Variants in ST3GAL1 observed in about 807,000 individuals in gnomAD.
ST3GAL1 encodes ST3 beta-galactoside alpha-2,3-sialyltransferase 1.
Under a neutral mutation model 34.1 loss-of-function variants are expected in ST3GAL1, and 16 were observed. The observed-to-expected ratio is 0.47, with a 90% confidence interval of 0.32 to 0.71. The LOEUF (loss-of-function observed/expected upper bound fraction) is 0.71, where lower values mean the gene tolerates loss of function less well. Ranked by LOEUF, ST3GAL1 falls within the 30% of genes least tolerant of loss-of-function variation. The probability of loss-of-function intolerance (pLI) is 0.04; values close to 1 mark genes in which losing one functional copy is unlikely to be tolerated. For missense variants in ST3GAL1, 353 were observed against 447.4 expected (o/e 0.79, Z 1.90); for synonymous variants, 191 against 184.7 (o/e 1.03, Z -0.28).
intron 1 of ST3GAL1, among the ~76,000 whole-genome samples, chr8:133,553,039 ACAATATCCCTTTGTGCT>A (rs1034642969): frequency 5.9e-5 from 9 of 152,174 alleles, no homozygotes; most frequent in Non-Finnish European, 1.0e-4. Context: ...TGTCTTCAAC[ACAATATCCCTTTGTGCT>A]CAAAGGGATA....
At chr8:133,565,183 G>GTGTGTGTA (rs1364476633) in intron 1 of ST3GAL1, among the ~76,000 whole-genome samples, 1 of 150,596 alleles carries the variant, frequency 6.6e-6, no homozygotes, top group African/African-American at 2.5e-5. Context: ...GTGTGTGTGT[G>GTGTGTGTA]TGTGTGTGTG....
At chr8:133,528,314 A>G (rs1563728229) in intron 2 of ST3GAL1, among the ~76,000 whole-genome samples, 1 of 152,164 alleles carries the variant, frequency 6.6e-6, no homozygotes, top group Non-Finnish European at 1.5e-5. Flanking sequence ...CCTAGCCTAG[A>G]TTGCTAAGCT....
intron 3 of ST3GAL1, among the ~76,000 whole-genome samples, chr8:133,497,968 T>C (rs1412851336): frequency 1.3e-5 from 2 of 152,246 alleles, no homozygotes; most frequent in Non-Finnish European, 2.9e-5. Context: ...TTGCACCTGC[T>C]GTTCCCTCTA....
intron 1 of ST3GAL1, among the ~76,000 whole-genome samples, chr8:133,564,686 A>G (rs79921655): frequency 0.026 from 3,967 of 152,282 alleles, 154 homozygotes; most frequent in African/African-American, 0.087. Context: ...ACTCACACCC[A>G]CACCGCCCTG....
chr8:133,497,057 C>T lies in ST3GAL1; in HGVS notation c.-374+2078G>A, dbSNP rs368917741. ...CTGTGATGAAGGAGGGACCTGAGCCCGCACACAGGGGCCTGAGCCTAATGG... is the reference window on the plus strand; with the variant it reads ...CTGTGATGAAGGAGGGACCTGAGCCTGCACACAGGGGCCTGAGCCTAATGG... On this transcript the variant is annotated intron_variant, in intron 3 of 9. Transcript: ENST00000522652. 3.3e-5 allele frequency among the ~76,000 whole-genome samples: 5 copies of T among 152,296 alleles called. No individual in the cohort carries two copies. In the East Asian group the frequency reaches 7.7e-4, roughly 24 times the overall value.
intron 1 of ST3GAL1, among the ~76,000 whole-genome samples, chr8:133,562,774 AG>A: frequency 6.7e-6 from 1 of 150,158 alleles, no homozygotes; most frequent in South Asian, 2.1e-4. Flanking sequence ...ATCTAAGAAA[AG>A]GGTTTCTTTC....
At chr8:133,564,274 G>T (rs1819327601) in intron 1 of ST3GAL1, among the ~76,000 whole-genome samples, 1 of 152,158 alleles carries the variant, frequency 6.6e-6, no homozygotes, top group South Asian at 2.1e-4. Flanking sequence ...GTAACCGGAT[G>T]TTAACTAATC....
Position 133,466,074 on chromosome 8 carries a change from T to C in ST3GAL1, c.323A>G (p.Lys108Arg). 1 of 1,613,078 alleles carries C rather than the reference T, an allele frequency of 6.2e-7. No individual in the cohort carries two copies. The highest frequency in any genetic ancestry group is 8.5e-7 in the Non-Finnish European group (1 of 1,179,246). Residue 108 changes from lysine to arginine, a missense_variant, in exon 6 of 10, where the codon AAG becomes AGG. Coordinates refer to ENST00000522652, the MANE Select transcript of ST3GAL1 (RefSeq NM_173344.3). This position sits in a 1 kb window ranked among gnomAD's most constrained non-coding sequence, Gnocchi z 4.4. The stretch of plus-strand genomic sequence containing the variant: ...GGTGTCATTCAAGTTATTGGGCTTC[T>C]TCTCCCGCTGGAGCCTCTGTGGGCG... Reference protein sequence around the residue: ...YRWWLRLQREKKPNNLNDTIK... With the variant: ...YRWWLRLQRERKPNNLNDTIK...
At position 133,552,454 on chromosome 8, in the gene ST3GAL1, G is replaced by A. The variant is rs1002605865; in HGVS notation, c.-581-6528C>T. Reference sequence around the variant, plus strand: ...AGAGCCGTTGGCTGGGCTGCATGTCGAGAACCAGGTTTATGGGCAGAAATT... The same window carrying A: ...AGAGCCGTTGGCTGGGCTGCATGTCAAGAACCAGGTTTATGGGCAGAAATT... On this transcript the variant is annotated intron_variant, in intron 1 of 9. Coordinates refer to ENST00000522652, the MANE Select transcript of ST3GAL1 (RefSeq NM_173344.3). Among the ~76,000 whole-genome samples the A allele has an allele frequency of 2.6e-5, 4 of 152,166 alleles. No homozygotes were observed. In the South Asian group the frequency reaches 6.2e-4, roughly 24 times the overall value.
rs546939019 is a variant in ST3GAL1 at position 133,486,831 on chromosome 8, C to T, written c.-373-10231G>A. ...GCGTGACTTGGGCCACTTCAGAAGC[C>T]GAGGCCAGTCAGCTCCTCATCTGTA... On this transcript the variant is annotated intron_variant, in intron 3 of 9. Coordinates refer to ENST00000522652, the MANE Select transcript of ST3GAL1 (RefSeq NM_173344.3). 1.2e-4 allele frequency among the ~76,000 whole-genome samples: 19 copies of T among 152,344 alleles called. No homozygotes were observed. The South Asian group carries it at 3.5e-3, about 28-fold the overall frequency.
At chr8:133,512,668 C>T (rs1431422665) in intron 2 of ST3GAL1, among the ~76,000 whole-genome samples, 1 of 152,106 alleles carries the variant, frequency 6.6e-6, no homozygotes, top group East Asian at 1.9e-4. Context: ...TGGTCCAGGC[C>T]CGAGCCTGTT....
chr8:133,561,081 C>A (rs1445619690), intron 1 of ST3GAL1, among the ~76,000 whole-genome samples: 1 of 151,028 alleles, frequency 6.6e-6, no homozygotes, highest in Non-Finnish European at 1.5e-5. Flanking sequence ...TTCTGTGAAG[C>A]CTTACTCAAG....
rs1228189009 is a variant in ST3GAL1, at chr8:133,540,806, G to GACATATATAT, written c.-429+4967_-429+4968insATATATATGT. ...ATATATATATATAGACATATATATAGAGAGACATATATATATAGACATATA... is the reference window on the plus strand; with the variant it reads ...ATATATATATATAGACATATATATAGACATATATATAGAGACATATATATATAGACATATA... On this transcript the variant is annotated intron_variant, in intron 2 of 9. Coordinates refer to ENST00000522652, the MANE Select transcript of ST3GAL1 (RefSeq NM_173344.3). Among the ~76,000 whole-genome samples, 46 of 87,956 alleles carry GACATATATAT rather than the reference G, an allele frequency of 5.2e-4. 6 individuals carry two copies. The highest frequency in any genetic ancestry group is 4.6e-3 in the Admixed American group (38 of 8,206). 57.7% of individuals were successfully genotyped at this position (87,956 alleles called of 152,430 possible). A position where few individuals can be genotyped will look rare whatever the true frequency, so the allele number is the denominator to read the frequency against.
At chr8:133,463,761 G>T (rs895882920) in intron 7 of ST3GAL1, among the ~76,000 whole-genome samples, 2 of 152,196 alleles carry the variant, frequency 1.3e-5, no homozygotes, top group Admixed American at 1.3e-4. Flanking sequence ...GAGTGGGGCC[G>T]TGGTGCCTCC....
chr8:133,472,353 A>AC (rs1462940502), intron 5 of ST3GAL1, among the ~76,000 whole-genome samples: 3 of 151,834 alleles, frequency 2.0e-5, no homozygotes, highest in African/African-American at 4.8e-5. Flanking sequence ...GATTCTTCCA[A>AC]CCCCCTCAAC....
chr8:133,530,039 C>G (rs1453396064), intron 2 of ST3GAL1, among the ~76,000 whole-genome samples: 1 of 152,168 alleles, frequency 6.6e-6, no homozygotes, highest in African/African-American at 2.4e-5. Context: ...TCGCAAGGAA[C>G]GTTTGCTTGT....
intron 4 of ST3GAL1, 31 bp from the exon 5 acceptor site, chr8:133,476,105 C>G (rs1816167763): frequency 6.9e-7 from 1 of 1,459,590 alleles, no homozygotes; most frequent in Non-Finnish European, 9.2e-7. Flanking sequence ...AAGAAAAATC[C>G]CAGAGGTGGA....
In ST3GAL1 at chr8:133,462,591, C is replaced by A. The variant is rs938623991; in HGVS notation, c.730-597G>T. On this transcript the variant is annotated intron_variant, in intron 8 of 9. Coordinates refer to ENST00000522652, the MANE Select transcript of ST3GAL1 (RefSeq NM_173344.3). The stretch of plus-strand genomic sequence containing the variant: ...CACCACCCAAAGCCTGCCTTGAGCA[C>A]AACGAAAGGGAATTCTCAGGCAGGA... Among the ~76,000 whole-genome samples, 5 of 152,278 alleles carry A rather than the reference C, an allele frequency of 3.3e-5. No individual in the cohort carries two copies. The East Asian group carries it at 9.7e-4, about 29-fold the overall frequency.
chr8:133,541,120 T>TATATAGAGAGAGAGAGAGAGAGAG (rs71299078), intron 2 of ST3GAL1, among the ~76,000 whole-genome samples: 2 of 48,628 alleles, frequency 4.1e-5, no homozygotes, highest in African/African-American at 9.9e-5. Flanking sequence ...TATATATATA[T>TATATAGAGAGAGAGAGAGAGAGAG]AGAGAGAGAG....
Sources: gnomAD v4.1 joint callset for allele counts (sites outside exome capture counted in the v4.1 genomes callset) on GRCh38, gnomAD v4.1.1 for gene constraint, Gnocchi (gnomAD v3.1) non-coding constraint, MANE v1.5 for transcripts, NCBI Gene and HGNC (gene_info 2026-07-23, HGNC 2026-07-21) for gene names.